RORA: variants seen among roughly 807,000 people sequenced by gnomAD.
RORA encodes nuclear receptor ROR-alpha.
RORA carries 7 observed loss-of-function variants against 69.5 expected under a neutral mutation model. That is an observed-to-expected ratio of 0.10 (90% CI 0.06 to 0.19). RORA has a LOEUF of 0.19. RORA is among the 10% of genes least tolerant of loss of function. The pLI, the probability that RORA is intolerant of heterozygous loss-of-function variation, is 1.00. For missense variants in RORA, 457 were observed against 663.0 expected (o/e 0.69, Z 3.41); for synonymous variants, 261 against 240.8 (o/e 1.08, Z -0.78).
chr15:60,515,949 T>A (rs28626500), intron 3 of RORA, among the ~76,000 whole-genome samples: 562 of 15,052 alleles, frequency 0.037, 34 homozygotes, highest in African/African-American at 0.051. Flanking sequence ...TTATATATAT[T>A]TATATATTTA....
At chr15:60,922,697 T>G (rs1193443055) in intron 1 of RORA, among the ~76,000 whole-genome samples, 2 of 152,236 alleles carry the variant, frequency 1.3e-5, no homozygotes, top group Non-Finnish European at 2.9e-5. Context: ...GTTTATGACT[T>G]TGGCCACCAA....
At chr15:61,154,180 C>A (rs907462462) in intron 1 of RORA, among the ~76,000 whole-genome samples, 1 of 152,140 alleles carries the variant, frequency 6.6e-6, no homozygotes, top group Non-Finnish European at 1.5e-5. Flanking sequence ...TTCCTCCCCA[C>A]CAACAACATT....
intron 2 of RORA, among the ~76,000 whole-genome samples, chr15:60,669,405 CAGA>C (rs1334820652): frequency 6.6e-6 from 1 of 151,216 alleles, no homozygotes; most frequent in East Asian, 2.0e-4. Context: ...GGAGCACACA[CAGA>C]AGTAGTTCTA....
chr15:60,998,581 C>T (rs2030618), intron 1 of RORA, among the ~76,000 whole-genome samples: 122,142 of 152,016 alleles, frequency 0.8, 49,240 homozygotes, highest in Non-Finnish European at 0.82. Flanking sequence ...TGTATTTTAG[C>T]AGAGACAGGG....
chr15:60,573,266 C>A (rs1202543828), intron 2 of RORA, among the ~76,000 whole-genome samples: 1 of 152,190 alleles, frequency 6.6e-6, no homozygotes, highest in Non-Finnish European at 1.5e-5. Flanking sequence ...TTAGCGACAT[C>A]ATAATGAAGT....
intron 1 of RORA, among the ~76,000 whole-genome samples, chr15:60,713,920 A>T (rs953272991): frequency 1.3e-5 from 2 of 152,244 alleles, no homozygotes; most frequent in African/African-American, 4.8e-5. Context: ...TTTCAAGCTA[A>T]GACTTTGCAG....
chr15:60,701,864 C>T (rs1011353335), intron 1 of RORA, among the ~76,000 whole-genome samples: 15 of 152,184 alleles, frequency 9.9e-5, no homozygotes, highest in Admixed American at 8.5e-4. Context: ...TTACATCAGT[C>T]TTTGACTCTT....
intron 1 of RORA, among the ~76,000 whole-genome samples, chr15:61,155,985 A>T (rs2079438507): frequency 6.6e-6 from 1 of 152,156 alleles, no homozygotes; most frequent in Non-Finnish European, 1.5e-5. Flanking sequence ...ACGTCTCAGA[A>T]CCCAACAGGC....
chr15:60,888,217 C>T (rs1482533235), intron 1 of RORA, among the ~76,000 whole-genome samples: 1 of 152,202 alleles, frequency 6.6e-6, no homozygotes, highest in Admixed American at 6.5e-5. Context: ...CCTCTTGCTC[C>T]ATCAACTCCA....
chr15:60,697,855 G>T (rs114208507), intron 1 of RORA, among the ~76,000 whole-genome samples: 8 of 152,064 alleles, frequency 5.3e-5, no homozygotes, highest in African/African-American at 1.9e-4. Flanking sequence ...TCTCATTCAC[G>T]GCTCCTCTGG....
At chr15:61,224,850 C>T (rs976310990) in intron 1 of RORA, among the ~76,000 whole-genome samples, 1 of 152,144 alleles carries the variant, frequency 6.6e-6, no homozygotes, top group African/African-American at 2.4e-5. Flanking sequence ...ACAGCCCCCA[C>T]CTCTGCTACC....
At chr15:60,851,516 C>G (rs2073324325) in intron 1 of RORA, among the ~76,000 whole-genome samples, 1 of 152,132 alleles carries the variant, frequency 6.6e-6, no homozygotes, top group South Asian at 2.1e-4. Flanking sequence ...CTATCCAAAT[C>G]ATACCACTCA....
intron 1 of RORA, among the ~76,000 whole-genome samples, chr15:60,960,964 G>C (rs74019962): frequency 6.6e-6 from 1 of 152,166 alleles, no homozygotes; most frequent in Admixed American, 6.5e-5. Context: ...CACACAGATA[G>C]CAAGCAGCAG....
At chr15:60,518,888 C>T (rs959915937) in intron 3 of RORA, among the ~76,000 whole-genome samples, 5 of 152,206 alleles carry the variant, frequency 3.3e-5, no homozygotes, top group East Asian at 1.9e-4. Context: ...CCTCCTTAAT[C>T]GTCGTTTTGC....
intron 1 of RORA, among the ~76,000 whole-genome samples, chr15:60,693,344 T>A (rs527518803): frequency 6.6e-6 from 1 of 152,186 alleles, no homozygotes; most frequent in Non-Finnish European, 1.5e-5. Flanking sequence ...GACAATATCA[T>A]GCTGAATGGG....
intron 2 of RORA, among the ~76,000 whole-genome samples, chr15:60,639,550 A>C (rs990800346): frequency 2.6e-5 from 4 of 152,312 alleles, no homozygotes; most frequent in African/African-American, 7.2e-5. Context: ...TGTCAAGGCC[A>C]ATGTGCCTTT....
chr15:60,723,275 G>A (rs962841399), intron 1 of RORA, among the ~76,000 whole-genome samples: 2 of 151,870 alleles, frequency 1.3e-5, no homozygotes, highest in African/African-American at 2.4e-5. Context: ...CCTTAGTTTC[G>A]ATGCGCATAT....
chr15:60,855,610 T>TTTTATTTATTTATTTATTTA (rs56303340), intron 1 of RORA, among the ~76,000 whole-genome samples: 111 of 152,012 alleles, frequency 7.3e-4, no homozygotes, highest in African/African-American at 2.7e-3. Context: ...CAGTGTTTGC[T>TTTTATTTATTTATTTATTTA]TTTATTTATT....
chr15:60,534,233 C>G lies in RORA; in HGVS notation c.197-2382G>C, dbSNP rs2066612678. On this transcript the variant is annotated intron_variant, in intron 2 of 10. Coordinates refer to ENST00000335670, the MANE Select transcript of RORA (RefSeq NM_134261.3). The surrounding 1 kb of genome is among the most constrained non-coding windows in gnomAD (Gnocchi z 5.0). ...TGGGGGTGGCCTTGGGAGTACTATA[C>G]TGGCCCCAGCACTTCCACCCTTGGA... Among the ~76,000 whole-genome samples, 1 of 152,174 alleles carries G rather than the reference C, an allele frequency of 6.6e-6. No individual in the cohort carries two copies. The highest frequency in any genetic ancestry group is 1.5e-5 in the Non-Finnish European group (1 of 68,044).
Sources: allele counts gnomAD v4.1 joint callset (sites outside exome capture counted in the v4.1 genomes callset), GRCh38; gene constraint gnomAD v4.1.1; non-coding constraint Gnocchi (gnomAD v3.1); transcripts MANE v1.5; gene names NCBI Gene and HGNC (gene_info 2026-07-23, HGNC 2026-07-21).